The following PLGRKT variants were observed in gnomAD, a reference collection of about 807,000 sequenced individuals.
The protein encoded by PLGRKT is plasminogen receptor (KT).
In PLGRKT, 22 loss-of-function variants were observed where a neutral mutation model predicts 18.5. That is an observed-to-expected ratio of 1.19 (90% CI 0.85 to 1.70). The LOEUF is 1.70. PLGRKT is among the 40% of genes most tolerant of loss of function. PLGRKT has a pLI of 0.00. For missense variants in PLGRKT, 235 were observed against 174.4 expected (o/e 1.35, Z -1.96); for synonymous variants, 72 against 52.8 (o/e 1.36, Z -1.58).
chr9:5,364,288 C>T (rs1229408158), intron 3 of PLGRKT, among the ~76,000 whole-genome samples: 1 of 152,144 alleles, frequency 6.6e-6, no homozygotes, highest in Admixed American at 6.5e-5. Context: ...AAATGAAAGA[C>T]TCATAGCTCA....
At chr9:5,436,972 G>GT (rs1818972700) in intron 1 of PLGRKT, among the ~76,000 whole-genome samples, 1 of 151,774 alleles carries the variant, frequency 6.6e-6, no homozygotes, top group South Asian at 2.1e-4. Context: ...TTCACCAGGG[G>GT]TAAAAAAAAA....
intron 3 of PLGRKT, among the ~76,000 whole-genome samples, chr9:5,378,429 T>G (rs1370802920): frequency 6.6e-6 from 1 of 152,126 alleles, no homozygotes; most frequent in Non-Finnish European, 1.5e-5. Context: ...GCACACAATA[T>G]GAATGAATCT....
intron 5 of PLGRKT, among the ~76,000 whole-genome samples, chr9:5,358,568 C>A (rs1817190231): frequency 6.6e-6 from 1 of 152,102 alleles, no homozygotes; most frequent in African/African-American, 2.4e-5. Context: ...AAATCAGGAG[C>A]TACAGATGGT....
intron 2 of PLGRKT, among the ~76,000 whole-genome samples, chr9:5,434,898 G>T: frequency 6.6e-6 from 1 of 152,068 alleles, no homozygotes; most frequent in Non-Finnish European, 1.5e-5. Context: ...GTGGGGAAAA[G>T]AAAGAGAGAT....
At chr9:5,381,008 G>C (rs1183408747) in intron 3 of PLGRKT, among the ~76,000 whole-genome samples, 1 of 152,142 alleles carries the variant, frequency 6.6e-6, no homozygotes, top group Admixed American at 6.5e-5. Context: ...TGTCTTTCCT[G>C]CCACCATGAA....
intron 3 of PLGRKT, among the ~76,000 whole-genome samples, chr9:5,420,015 T>G (rs969695821): frequency 3.9e-5 from 6 of 152,172 alleles, no homozygotes; most frequent in African/African-American, 1.4e-4. Context: ...ATGTGGTATA[T>G]CCATACAATG....
At chr9:5,422,113 A>G (rs943615653) in intron 3 of PLGRKT, among the ~76,000 whole-genome samples, 1 of 152,240 alleles carries the variant, frequency 6.6e-6, no homozygotes, top group Non-Finnish European at 1.5e-5. Context: ...TGTCAAAGGA[A>G]TGAGAGAATA....
chr9:5,411,180 T>C (rs923712105), intron 3 of PLGRKT, among the ~76,000 whole-genome samples: 13 of 151,824 alleles, frequency 8.6e-5, no homozygotes, highest in Admixed American at 3.3e-4. Context: ...GGTCGGGAGT[T>C]TGAGATCAGC....
At chr9:5,385,225 TA>T (rs532064763) in intron 3 of PLGRKT, among the ~76,000 whole-genome samples, 113 of 152,294 alleles carry the variant, frequency 7.4e-4, no homozygotes, top group Non-Finnish European at 1.4e-3. Context: ...ATTAAAACAG[TA>T]AATAAGTATT....
At chr9:5,395,650 C>T (rs1170681935) in intron 3 of PLGRKT, among the ~76,000 whole-genome samples, 1 of 151,908 alleles carries the variant, frequency 6.6e-6, no homozygotes, top group Non-Finnish European at 1.5e-5. Context: ...CTATTCACTA[C>T]TTGATCTGGC....
At chr9:5,367,062 CA>C (rs56061086) in intron 3 of PLGRKT, among the ~76,000 whole-genome samples, 17 of 149,740 alleles carry the variant, frequency 1.1e-4, no homozygotes, top group East Asian at 3.9e-4. Flanking sequence ...CACACACACA[CA>C]CACACCCCTA....
intron 3 of PLGRKT, among the ~76,000 whole-genome samples, chr9:5,402,943 G>C (rs1257597743): frequency 4.0e-5 from 6 of 151,880 alleles, no homozygotes; most frequent in Non-Finnish European, 5.9e-5. Flanking sequence ...AAACAGAAAT[G>C]AGCAAGGGGC....
At chr9:5,437,307 T>G (rs757709628) in intron 1 of PLGRKT, among the ~76,000 whole-genome samples, 7 of 152,180 alleles carry the variant, frequency 4.6e-5, no homozygotes, top group Non-Finnish European at 1.0e-4. Context: ...CTGACTTATT[T>G]CCCGATCAGA....
intron 3 of PLGRKT, among the ~76,000 whole-genome samples, chr9:5,405,689 C>T (rs4437709): frequency 0.65 from 98,707 of 152,128 alleles, 33,941 homozygotes; most frequent in African/African-American, 0.89. Flanking sequence ...ATTTAGGACA[C>T]AGGCATAGGC....
At chr9:5,423,784 C>G (rs1042483634) in intron 3 of PLGRKT, among the ~76,000 whole-genome samples, 1 of 150,514 alleles carries the variant, frequency 6.6e-6, no homozygotes, top group Non-Finnish European at 1.5e-5. Flanking sequence ...TCACTGCAAC[C>G]CTGACCCCCC....
chr9:5,431,115 G>T (rs4742092), intron 3 of PLGRKT, among the ~76,000 whole-genome samples: 93,425 of 152,052 alleles, frequency 0.61, 29,412 homozygotes, highest in East Asian at 0.7. Flanking sequence ...ATCTGTTTCC[G>T]TGCCTTTTCC....
chr9:5,384,346 T>C (rs1412913982), intron 3 of PLGRKT, among the ~76,000 whole-genome samples: 2 of 152,210 alleles, frequency 1.3e-5, no homozygotes, highest in Non-Finnish European at 2.9e-5. Context: ...AAAAATTATC[T>C]TTATGAAATT....
At chr9:5,427,403 G>A (rs545683539) in intron 3 of PLGRKT, among the ~76,000 whole-genome samples, 3 of 151,906 alleles carry the variant, frequency 2.0e-5, no homozygotes, top group South Asian at 4.1e-4. Flanking sequence ...TGAAAGAGTG[G>A]AAGTTCTCAA....
chr9:5,431,906 A>C lies in PLGRKT; in HGVS notation c.72T>G (p.Ala24=). 6.8e-7 allele frequency: 1 copy of C among 1,476,794 alleles called. No homozygotes were observed. Among genetic ancestry groups the C allele is most frequent in the Non-Finnish European group, 9.5e-7 (1 of 1,056,388 alleles). 91.5% of individuals were successfully genotyped at this position (1,476,794 alleles called of 1,614,324 possible). Reference sequence around the variant, plus strand: ...TTATTTTAAAACATACCTGAAGTCGAGCATTCATAAGCATGAACTCCTTTT... The same window carrying C: ...TTATTTTAAAACATACCTGAAGTCGCGCATTCATAAGCATGAACTCCTTTT... ...KNQKEFMLMN[A]RLQLERQLIM... Residue 24 remains alanine, a synonymous_variant, in exon 3 of 6, where the codon GCT becomes GCG. Coordinates refer to ENST00000223864, the MANE Select transcript of PLGRKT (RefSeq NM_018465.4).
Sources: allele counts gnomAD v4.1 joint callset (sites outside exome capture counted in the v4.1 genomes callset), GRCh38; gene constraint gnomAD v4.1.1; transcripts MANE v1.5; gene names NCBI Gene and HGNC (gene_info 2026-07-23, HGNC 2026-07-21).